Variants in ATRX observed in about 807,000 individuals in gnomAD.
The protein encoded by ATRX is chromatin remodeler ATRX.
In ATRX, 12 loss-of-function variants were observed where a neutral mutation model predicts 172.6. The ratio of observed to expected loss-of-function variants is 0.07; its 90% confidence interval spans 0.04 to 0.11. The LOEUF is 0.11. ATRX is among the 10% of genes least tolerant of loss of function. The pLI, the probability that ATRX is intolerant of heterozygous loss-of-function variation, is 1.00. For synonymous variants in ATRX, 674 were observed against 594.7 expected, an observed-to-expected ratio of 1.13 and a Z score of -1.94; for missense variants, 1,368 against 1,767.4, an observed-to-expected ratio of 0.77 and a Z score of 4.05.
At chrX:77,738,349 A>C (rs1185318415) in intron 1 of ATRX, among the ~76,000 whole-genome samples, 2 of 106,612 alleles carry the variant, frequency 1.9e-5, no homozygotes, top group African/African-American at 6.8e-5. Flanking sequence ...AAAAAAAAAA[A>C]CAATAAATAA....
In ATRX at chrX:77,508,122, A is replaced by G. The variant is rs999494890; in HGVS notation, c.*229T>C. The stretch of plus-strand genomic sequence containing the variant: ...GTTTTCACTGAAAACAATTTGAAAT[A>G]TCTTCTGTACTCAGCGTGTGTAAGA... On this transcript the variant is annotated 3_prime_UTR_variant, in exon 35 of 35. Transcript: ENST00000373344. 1.5e-5 allele frequency: 5 copies of G among 341,799 alleles called. No individual in the cohort carries two copies. Among genetic ancestry groups the G allele is most frequent in the Non-Finnish European group, 2.5e-5 (5 of 200,294 alleles). The allele number at this position is 341,799 out of a possible 1,213,427, so 28.2% of individuals were successfully genotyped here.
chrX:77,550,824 GACAA>G (rs1181304258), intron 30 of ATRX, among the ~76,000 whole-genome samples: 17 of 111,445 alleles, frequency 1.5e-4, no homozygotes, highest in African/African-American at 4.9e-4. Flanking sequence ...ACTAATAAGA[GACAA>G]ACAGAGAGCC....
chrX:77,715,827 T>C (rs1557164394), intron 2 of ATRX, among the ~76,000 whole-genome samples: 2 of 111,482 alleles, frequency 1.8e-5, no homozygotes, highest in African/African-American at 6.5e-5. Flanking sequence ...CTTTATTCCT[T>C]CTAGAACTCT....
At chrX:77,702,343 C>T (rs78936512) in intron 2 of ATRX, among the ~76,000 whole-genome samples, 5 of 111,103 alleles carry the variant, frequency 4.5e-5, no homozygotes. Flanking sequence ...CTCGGTAAGC[C>T]GAGGCAAGAG....
intron 30 of ATRX, among the ~76,000 whole-genome samples, chrX:77,524,397 A>G (rs1249695791): frequency 8.9e-6 from 1 of 112,096 alleles, no homozygotes; most frequent in Non-Finnish European, 1.9e-5. Flanking sequence ...CACTGAATTC[A>G]AATTTAATCT....
chrX:77,553,714 G>A (rs1286915974), intron 30 of ATRX, among the ~76,000 whole-genome samples: 1 of 111,726 alleles, frequency 9.0e-6, no homozygotes, highest in African/African-American at 3.3e-5. Flanking sequence ...TCTTAGCAAT[G>A]CAAACAGTTA....
At chrX:77,773,014 A>ATT (rs781825946) in intron 1 of ATRX, among the ~76,000 whole-genome samples, 3 of 80,298 alleles carry the variant, frequency 3.7e-5, no homozygotes, top group African/African-American at 4.8e-5. Context: ...CACCTGGCTA[A>ATT]TTTTTTTTTT....
chrX:77,561,309 A>G (rs2065009551), intron 28 of ATRX, among the ~76,000 whole-genome samples: 1 of 110,913 alleles, frequency 9.0e-6, no homozygotes, highest in East Asian at 2.8e-4. Context: ...GTTAAAAAAC[A>G]CACATACATA....
chrX:77,636,250 T>A (rs1256378616), intron 15 of ATRX, among the ~76,000 whole-genome samples, 194 bp from the exon 16 acceptor site: 1 of 112,068 alleles, frequency 8.9e-6, no homozygotes, highest in Non-Finnish European at 1.9e-5. Context: ...TGGGGCCTGG[T>A]GGGAGGTGGC....
At chrX:77,621,717 T>C (rs1291462570) in intron 19 of ATRX, among the ~76,000 whole-genome samples, 2 of 111,954 alleles carry the variant, frequency 1.8e-5, no homozygotes, top group Admixed American at 1.9e-4. Context: ...TGTCAAACTA[T>C]CTCCCATCTG....
In ATRX at chrX:77,683,448, G is replaced by A. The variant is rs1557140749; in HGVS notation, c.1808C>T (p.Ala603Val). The A allele has an allele frequency of 8.3e-7, 1 of 1,208,171 alleles. No homozygotes were observed. Among genetic ancestry groups the A allele is most frequent in the African/African-American group, 1.7e-5 (1 of 57,200 alleles). The change falls in exon 9 of 35, where the codon GCT becomes GTT. Residue 603 changes from alanine (A) to valine (V), a missense_variant. By Grantham distance (64) the Ala-to-Val change is moderately conservative. Around this residue, in one of 17 missense-constraint regions of ATRX, gnomAD observed 843 missense variants for 643.1 expected, o/e 1.31. Coordinates refer to ENST00000373344, the MANE Select transcript of ATRX (RefSeq NM_000489.6). ...VSLSNSPIKG[A>V]DCQEVPQDKD... ...ATCTTGTGGAACTTCCTGACAATCA[G>A]CACCTTTAATTGGGGAATTAGAAAG...
intron 21 of ATRX, 83 bp downstream of exon 21, chrX:77,618,722 TA>T: frequency 2.1e-6 from 2 of 966,483 alleles, no homozygotes; most frequent in Non-Finnish European, 2.9e-6. Flanking sequence ...AACACAAAAT[TA>T]TTAAACTTTA....
rs186237898 is a variant in ATRX at position 77,628,622 on chromosome X, C to G, written c.5134+4585G>C. Among the ~76,000 whole-genome samples the G allele has an allele frequency of 1.8e-3, 206 of 111,756 alleles. 2 individuals carry two copies. The highest frequency in any genetic ancestry group is 6.1e-3 in the African/African-American group (187 of 30,846). On this transcript the variant is annotated intron_variant, in intron 19 of 34. Transcript: ENST00000373344. ...AAAGTTAACAAAATGTTGTCACTTT[C>G]TTTTTTAAGAAACTGGGTCTCACAC... is the stretch of plus-strand genomic sequence containing the variant.
intron 28 of ATRX, among the ~76,000 whole-genome samples, chrX:77,563,864 A>G (rs782479194): frequency 9.1e-6 from 1 of 110,211 alleles, no homozygotes; most frequent in Non-Finnish European, 1.9e-5. Context: ...CAAAGGCCTG[A>G]AAATCCGGGG....
intron 10 of ATRX, among the ~76,000 whole-genome samples, chrX:77,665,988 T>C (rs900227908): frequency 4.2e-5 from 4 of 94,135 alleles, no homozygotes; most frequent in Non-Finnish European, 6.3e-5. Context: ...GCAGGAGATA[T>C]TAATGCATGT....
chrX:77,719,177 A>C (rs1557167292), intron 1 of ATRX, among the ~76,000 whole-genome samples: 5 of 111,435 alleles, frequency 4.5e-5, no homozygotes, highest in Non-Finnish European at 5.6e-5. Flanking sequence ...ACACAATGAG[A>C]GAAAACGATT....
chrX:77,694,946 T>A (rs781931783), intron 5 of ATRX, among the ~76,000 whole-genome samples: 4 of 105,175 alleles, frequency 3.8e-5, no homozygotes, highest in African/African-American at 1.0e-4. Context: ...CAGATTGTAG[T>A]AAAATTAAAT....
At chrX:77,729,960 T>C (rs2074231097) in intron 1 of ATRX, among the ~76,000 whole-genome samples, 2 of 111,686 alleles carry the variant, frequency 1.8e-5, no homozygotes. Flanking sequence ...TAAAGTACAG[T>C]ATAAGGCATA....
At chrX:77,737,295 C>T (rs2074618551) in intron 1 of ATRX, among the ~76,000 whole-genome samples, 1 of 107,592 alleles carries the variant, frequency 9.3e-6, no homozygotes, top group Non-Finnish European at 1.9e-5. Context: ...TGGTGGTGGG[C>T]GCCTGTAATC....
Sources: gnomAD v4.1 joint callset for allele counts (sites outside exome capture counted in the v4.1 genomes callset) on GRCh38, gnomAD v4.1.1 for gene constraint, gnomAD v4.1.1 regional missense constraint, MANE v1.5 for transcripts, NCBI Gene and HGNC (gene_info 2026-07-23, HGNC 2026-07-21) for gene names.